The following EPHA2 variants were observed in gnomAD, a reference collection of about 807,000 sequenced individuals.
The protein encoded by EPHA2 is EPH receptor A2.
A neutral mutation model predicts 104.9 loss-of-function variants in EPHA2; 54 were observed. The ratio of observed to expected loss-of-function variants is 0.51; its 90% CI spans 0.41 to 0.65. The LOEUF is 0.65. Among genes scored for constraint, EPHA2 ranks in the 30% least tolerant of loss-of-function variants. The probability of loss-of-function intolerance (pLI) is 0.00; values close to 1 mark genes in which losing one functional copy is unlikely to be tolerated. For missense variants in EPHA2, 1,117 were observed against 1,369.5 expected (o/e 0.82, Z 2.91); for synonymous variants, 560 against 559.1 (o/e 1.00, Z -0.02).
intron 3 of EPHA2, among the ~76,000 whole-genome samples, chr1:16,139,332 C>T (rs2024779844): frequency 6.6e-6 from 1 of 152,094 alleles, no homozygotes; most frequent in Non-Finnish European, 1.5e-5. Context: ...GGGTAGAGGT[C>T]ACCCTAGGGA....
intron 3 of EPHA2, among the ~76,000 whole-genome samples, chr1:16,143,189 T>TG (rs764093583): frequency 0.023 from 3,287 of 145,350 alleles, 50 homozygotes; most frequent in Middle Eastern, 0.063. Context: ...GATGGATGGA[T>TG]GAATGGATGG....
intron 3 of EPHA2, among the ~76,000 whole-genome samples, chr1:16,139,118 C>G (rs1477953035): frequency 6.6e-6 from 1 of 152,246 alleles, no homozygotes; most frequent in African/African-American, 2.4e-5. Flanking sequence ...TCTTCCTCCC[C>G]CAGTGGCCAG....
intron 16 of EPHA2, among the ~76,000 whole-genome samples, chr1:16,126,420 T>C (rs1256463263): frequency 6.6e-6 from 1 of 152,180 alleles, no homozygotes; most frequent in Non-Finnish European, 1.5e-5. Flanking sequence ...AGACATGACT[T>C]TCCCACAGGC....
Position 16,125,048 on chromosome 1 carries a change from C to T in EPHA2, c.*167G>A, listed in dbSNP as rs760364834. The T allele has an allele frequency of 1.2e-4, 84 of 683,720 alleles. No homozygotes were observed. The highest frequency in any genetic ancestry group is 4.8e-5 in the Non-Finnish European group (18 of 378,042). The allele number at this position is 683,720 out of a possible 1,614,324, so 42.4% of individuals were successfully genotyped here. ...CCCAGCCCAGCATCCCTGGTCATCTCCTCAGTTCAGGCCAGGGTGTCATCC... is the reference window on the plus strand; with the variant it reads ...CCCAGCCCAGCATCCCTGGTCATCTTCTCAGTTCAGGCCAGGGTGTCATCC... On this transcript the variant is annotated 3_prime_UTR_variant, in exon 17 of 17. Transcript: ENST00000358432. The surrounding 1 kb of genome is among the most constrained non-coding windows in gnomAD (Gnocchi z 4.9).
chr1:16,130,176 T>C lies in EPHA2; in HGVS notation c.2669+50A>G. Reference sequence around the variant, plus strand: ...CCACTCTACCGAAGTGGTTCAAGAGTCTGCAGAAGGAAAATTGAGGTCATC... The same window carrying C: ...CCACTCTACCGAAGTGGTTCAAGAGCCTGCAGAAGGAAAATTGAGGTCATC... On this transcript the variant is annotated intron_variant, in intron 15 of 16. Coordinates refer to ENST00000358432, the MANE Select transcript of EPHA2 (RefSeq NM_004431.5). This position sits in a 1 kb window ranked among gnomAD's most constrained non-coding sequence, Gnocchi z 4.5. The C allele has an allele frequency of 6.2e-7, 1 of 1,612,186 alleles. No homozygotes were observed. The highest frequency in any genetic ancestry group is 8.5e-7 in the Non-Finnish European group (1 of 1,178,918).
rs570473757 is a variant in EPHA2, at chr1:16,150,842, A to G, written c.153+54T>C. On this transcript the variant is annotated intron_variant, in intron 2 of 16. Transcript: ENST00000358432. This position sits in a 1 kb window ranked among gnomAD's most constrained non-coding sequence, Gnocchi z 4.8. ...TGGGCCTCAGTTTCTCCATCTCTACAGGGGACCAGCAGCCCCATTCTCACA... is the reference window on the plus strand; with the variant it reads ...TGGGCCTCAGTTTCTCCATCTCTACGGGGGACCAGCAGCCCCATTCTCACA... 88 of 1,596,708 alleles carry G rather than the reference A, an allele frequency of 5.5e-5. No homozygotes were observed. In the African/African-American group the frequency reaches 1.1e-3, roughly 20 times the overall value.
chr1:16,141,576 C>A (rs895863765), intron 3 of EPHA2, among the ~76,000 whole-genome samples: 3 of 152,158 alleles, frequency 2.0e-5, no homozygotes, highest in Admixed American at 2.0e-4. Flanking sequence ...AGCTCGGGGG[C>A]GTTCCCAGCC....
rs781061644 is a variant in EPHA2 at position 16,150,900 on chromosome 1, T to C, written c.149A>G (p.Lys50Arg). Residue 50 changes from lysine (K) to arginine (R), a missense_variant, in exon 2 of 17, where the codon AAA becomes AGA. Around this residue, in one of 3 missense-constraint regions of EPHA2, gnomAD observed 664 missense variants for 784.8 expected, o/e 0.85. Transcript: ENST00000358432. The surrounding 1 kb of genome is among the most constrained non-coding windows in gnomAD (Gnocchi z 4.8). ...CCACCCCGAAGGCTTACATACCCCT[T>C]TGCCATACGGGTGTGTGAGCCAGCC... is the stretch of plus-strand genomic sequence containing the variant. Reference protein sequence around the residue: ...ELGWLTHPYGKGWDLMQNIMN... With the variant: ...ELGWLTHPYGRGWDLMQNIMN... 2 of 1,613,842 alleles carry C rather than the reference T, an allele frequency of 1.2e-6. No homozygotes were observed. Among genetic ancestry groups the C allele is most frequent in the African/African-American group, 1.3e-5 (1 of 74,872 alleles).
intron 3 of EPHA2, among the ~76,000 whole-genome samples, chr1:16,145,235 AGCGG>A (rs2024907568): frequency 2.0e-5 from 3 of 152,126 alleles, no homozygotes; most frequent in Non-Finnish European, 4.4e-5. Context: ...CCCGGGGGAC[AGCGG>A]TCAGCCCGAG....
At chr1:16,143,555 T>G (rs982385953) in intron 3 of EPHA2, among the ~76,000 whole-genome samples, 2 of 152,222 alleles carry the variant, frequency 1.3e-5, no homozygotes, top group South Asian at 2.1e-4. Flanking sequence ...TTCCAGTTCC[T>G]GATGCCCGCC....
In EPHA2 at chr1:16,125,401, G is replaced by A. The variant is rs2024447019; in HGVS notation, c.2826-81C>T. 2.0e-6 allele frequency: 2 copies of A among 976,398 alleles called. No individual in the cohort carries two copies. The highest frequency in any genetic ancestry group is 6.0e-5 in the East Asian group (2 of 33,098). 60.5% of individuals were successfully genotyped at this position (976,398 alleles called of 1,614,324 possible). A position where few individuals can be genotyped will look rare whatever the true frequency, so the allele number is the denominator to read the frequency against. ...GGGCTGGGTGGGGACAGGACTCGGT[G>A]GGCGGCTGGGGAGGGGAGTGGAGGG... On this transcript the variant is annotated intron_variant, in intron 16 of 16. Transcript: ENST00000358432. The surrounding 1 kb of genome is among the most constrained non-coding windows in gnomAD (Gnocchi z 4.9).
Position 16,148,733 on chromosome 1 carries a change from G to A in EPHA2, c.468C>T (p.Phe156=), listed in dbSNP as rs774381220. The A allele has an allele frequency of 2.4e-5, 38 of 1,613,836 alleles. No homozygotes were observed. Among genetic ancestry groups the A allele is most frequent in the African/African-American group, 1.9e-4 (14 of 75,072 alleles). Reference sequence around the variant, plus strand: ...CGTTCAGCTTCACGTGGCGTGCCTCGAAGTCGCTGCTGACGGTGATCTCAT... The same window carrying A: ...CGTTCAGCTTCACGTGGCGTGCCTCAAAGTCGCTGCTGACGGTGATCTCAT... ...APDEITVSSD[F]EARHVKLNVE... Residue 156 remains phenylalanine (F), a synonymous_variant, in exon 3 of 17, where the codon TTC becomes TTT. Transcript: ENST00000358432. This position sits in a 1 kb window ranked among gnomAD's most constrained non-coding sequence, Gnocchi z 4.9.
Position 16,140,584 on chromosome 1 carries a change from T to C in EPHA2, c.824-2154A>G, listed in dbSNP as rs1481571470. On this transcript the variant is annotated intron_variant, in intron 3 of 16. Coordinates refer to ENST00000358432, the MANE Select transcript of EPHA2 (RefSeq NM_004431.5). ...GAACTCAAACTTAGGATGCCTGATT[T>C]TCAGCCTCTCTCCTCTCCCACTCCT... is the stretch of plus-strand genomic sequence containing the variant. Among the ~76,000 whole-genome samples, 4 of 152,204 alleles carry C rather than the reference T, an allele frequency of 2.6e-5. No homozygotes were observed. In the South Asian group the frequency reaches 6.2e-4, roughly 24 times the overall value.
chr1:16,141,068 T>C (rs547887025), intron 3 of EPHA2, among the ~76,000 whole-genome samples: 1 of 152,086 alleles, frequency 6.6e-6, no homozygotes, highest in Non-Finnish European at 1.5e-5. Flanking sequence ...ACACTTCAAT[T>C]TGGAGCAAAG....
At chr1:16,138,459 A>G in intron 3 of EPHA2, 29 bp from the exon 4 acceptor site, 1 of 1,612,972 alleles carries the variant, frequency 6.2e-7, no homozygotes, top group South Asian at 1.1e-5. Flanking sequence ...ACAGAGCACA[A>G]GGACATCAGT....
At chr1:16,138,967 T>C (rs1338458129) in intron 3 of EPHA2, among the ~76,000 whole-genome samples, 1 of 152,218 alleles carries the variant, frequency 6.6e-6, no homozygotes, top group Non-Finnish European at 1.5e-5. Context: ...CTGCAGGTGT[T>C]ACCTCCAGCC....
rs1388817434 is a variant in EPHA2 at position 16,131,745 on chromosome 1, G to A, written c.2451C>T (p.Pro817=). 1.2e-6 allele frequency: 2 copies of A among 1,614,090 alleles called. No homozygotes were observed. Among genetic ancestry groups the A allele is most frequent in the Non-Finnish European group, 1.7e-6 (2 of 1,180,012 alleles). Reference sequence around the variant, plus strand: ...CCTCGTGGTTGGACAACTCCCAGTAGGGCCGCTCGCCATAGGTCATCACCT... The same window carrying A: ...CCTCGTGGTTGGACAACTCCCAGTAAGGCCGCTCGCCATAGGTCATCACCT... The part of the protein sequence containing the change: ...MWEVMTYGER[P]YWELSNHEVM... Residue 817 remains proline (P), a synonymous_variant, in exon 14 of 17, where the codon CCC becomes CCT. Coordinates refer to ENST00000358432, the MANE Select transcript of EPHA2 (RefSeq NM_004431.5). The surrounding 1 kb of genome is among the most constrained non-coding windows in gnomAD (Gnocchi z 5.2).
At chr1:16,155,800 G>C in intron 1 of EPHA2, 48 bp downstream of exon 1, 1 of 1,326,256 alleles carries the variant, frequency 7.5e-7, no homozygotes, top group South Asian at 1.8e-5. Context: ...GGGCTCTAGG[G>C]GGCACTGGGG....
chr1:16,143,135 G>A (rs549778147), intron 3 of EPHA2, among the ~76,000 whole-genome samples: 13 of 145,828 alleles, frequency 8.9e-5, no homozygotes, highest in East Asian at 6.0e-4. Context: ...GTGGGTTGGC[G>A]GGTAGACGAG....
Sources: gnomAD v4.1 joint callset for allele counts (sites outside exome capture counted in the v4.1 genomes callset) on GRCh38, gnomAD v4.1.1 for gene constraint, gnomAD v4.1.1 regional missense constraint, Gnocchi (gnomAD v3.1) non-coding constraint, MANE v1.5 for transcripts, NCBI Gene and HGNC (gene_info 2026-07-23, HGNC 2026-07-21) for gene names.